XPA: variants seen among roughly 807,000 people sequenced by gnomAD.
The protein encoded by XPA is DNA repair protein complementing XP-A cells.
In XPA, 27 loss-of-function variants were observed where a neutral mutation model predicts 35.7. That is an observed-to-expected ratio of 0.76 (90% CI 0.56 to 1.04). XPA has a LOEUF of 1.04. XPA is among the 50% of genes least tolerant of loss of function. The probability of loss-of-function intolerance (pLI) is 0.00; values close to 1 mark genes in which losing one functional copy is unlikely to be tolerated. For missense variants in XPA, 354 were observed against 342.7 expected (o/e 1.03, Z -0.26); for synonymous variants, 133 against 118.4 (o/e 1.12, Z -0.80).
intron 2 of XPA, among the ~76,000 whole-genome samples, chr9:97,691,282 T>G (rs960950316): frequency 6.6e-6 from 1 of 152,232 alleles, no homozygotes; most frequent in Non-Finnish European, 1.5e-5. Flanking sequence ...TATTCAGCCA[T>G]GTATCCTCAA....
chr9:97,689,467 A>G, intron 3 of XPA, 67 bp downstream of exon 3: 1 of 944,070 alleles, frequency 1.1e-6, no homozygotes, highest in South Asian at 1.4e-5. Context: ...CCAAACAGAT[A>G]TAACTTGTTT....
intron 4 of XPA, 134 bp downstream of exon 4, chr9:97,686,962 T>A: frequency 1.2e-6 from 1 of 825,928 alleles, no homozygotes; most frequent in Non-Finnish European, 1.9e-6. Flanking sequence ...TCATTATACA[T>A]GACTGTGAAG....
the XPA span, chr9:97,662,272 G>A: frequency 3.0e-6 from 2 of 669,252 alleles, no homozygotes; most frequent in South Asian, 2.2e-5. Context: ...GACACAGTGG[G>A]TTTGGGTTTG....
chr9:97,684,893 TC>T, intron 5 of XPA, 29 bp downstream of exon 5: 1 of 1,565,994 alleles, frequency 6.4e-7, no homozygotes, highest in Non-Finnish European at 8.8e-7. Flanking sequence ...TAAAACACAA[TC>T]CTTCACGATA....
chr9:97,687,007 C>G (rs1234148748), intron 4 of XPA, 89 bp downstream of exon 4: 1 of 1,365,190 alleles, frequency 7.3e-7, no homozygotes, highest in African/African-American at 1.5e-5. Context: ...TTTTTCCACA[C>G]TCTGTAAGCA....
At position 97,675,675 on chromosome 9, in the gene XPA, CAT is replaced by C. The variant is rs1405901655; in HGVS notation, c.674-90_674-89del. On this transcript the variant is annotated intron_variant, in intron 5 of 5. Transcript: ENST00000375128. Reference sequence around the variant, plus strand: ...ACTCCATCAAGCTTTCAGCCATGTACATGTGTGTGTGTCTATGTGTATTTAAA... The same window carrying C: ...ACTCCATCAAGCTTTCAGCCATGTACGTGTGTGTGTCTATGTGTATTTAAA... The C allele has an allele frequency of 7.5e-6, 11 of 1,464,664 alleles. No individual in the cohort carries two copies. The African/African-American group carries it at 8.4e-5, about 11-fold the overall frequency. The allele number at this position is 1,464,664 out of a possible 1,614,324, so 90.7% of individuals were successfully genotyped here. A position where few individuals can be genotyped will look rare whatever the true frequency, so the allele number is the denominator to read the frequency against.
At chr9:97,691,963 ACT>A (rs551399042) in intron 2 of XPA, among the ~76,000 whole-genome samples, 40 of 149,990 alleles carry the variant, frequency 2.7e-4, no homozygotes, top group Non-Finnish European at 5.5e-4. Flanking sequence ...GAATGCTCCA[ACT>A]CTCAGAACTG....
At chr9:97,660,829 A>G in the XPA span, 1 of 1,196,400 alleles carries the variant, frequency 8.4e-7, no homozygotes, top group Non-Finnish European at 1.2e-6. Context: ...TGGGATAAAG[A>G]GCATCCTATT....
At chr9:97,682,942 ATC>A (rs533717863) in intron 5 of XPA, among the ~76,000 whole-genome samples, 17 of 152,222 alleles carry the variant, frequency 1.1e-4, no homozygotes, top group Non-Finnish European at 2.4e-4. Context: ...TCATCTTTCA[ATC>A]TGTTTGTCAA....
intron 5 of XPA, among the ~76,000 whole-genome samples, chr9:97,676,210 A>T (rs1387155276): frequency 6.6e-6 from 1 of 152,152 alleles, no homozygotes; most frequent in Admixed American, 6.5e-5. Flanking sequence ...AAAGAACCAC[A>T]GAGTTTTGAT....
In XPA at chr9:97,675,561, C is replaced by T. The variant is rs3176749; in HGVS notation, c.700G>A (p.Val234Met). 45 of 1,613,810 alleles carry T rather than the reference C, an allele frequency of 2.8e-5. No homozygotes were observed. The highest frequency in any genetic ancestry group is 1.6e-4 in the Middle Eastern group (1 of 6,084). Residue 234 changes from valine (V) to methionine (M), a missense_variant, in exon 6 of 6, where the codon GTG becomes ATG. Physicochemically the swap from Val to Met is conservative, Grantham distance 21. Coordinates refer to ENST00000375128, the MANE Select transcript of XPA (RefSeq NM_000380.4). Reference protein sequence around the residue: ...KELRRAVRSSVWKRETIVHQH... With the variant: ...KELRRAVRSSMWKRETIVHQH... Reference sequence around the variant, plus strand: ...TGAACAATCGTCTCCCTTTTCCACACGCTGCTTCTTACTGCTCGCCGCAAT... The same window carrying T: ...TGAACAATCGTCTCCCTTTTCCACATGCTGCTTCTTACTGCTCGCCGCAAT...
the XPA span, among the ~76,000 whole-genome samples, chr9:97,667,277 C>T: frequency 6.6e-6 from 1 of 152,024 alleles, no homozygotes; most frequent in Non-Finnish European, 1.5e-5. Flanking sequence ...GCAGTCATTC[C>T]CAAGTTAACG....
Position 97,693,713 on chromosome 9 carries a change from T to G in XPA, c.219A>C (p.Gly73=), listed in dbSNP as rs927707804. 2.5e-6 allele frequency: 4 copies of G among 1,613,510 alleles called. No individual in the cohort carries two copies. Among genetic ancestry groups the G allele is most frequent in the Admixed American group, 3.3e-5 (2 of 60,020 alleles). The change falls in exon 2 of 6, where the codon GGA becomes GGC. Residue 73 remains glycine, a synonymous_variant. Coordinates refer to ENST00000375128, the MANE Select transcript of XPA (RefSeq NM_000380.4). ...KAAPKIIDTG[G]GFILEEEEEE... ...CTTCTTCCTCTTCTAAAATGAAGCC[T>G]CCTCCTGTGTCAATTATCTTTGGGG...
chr9:97,684,334 A>C (rs1241740862), intron 5 of XPA, among the ~76,000 whole-genome samples: 1 of 152,230 alleles, frequency 6.6e-6, no homozygotes, highest in African/African-American at 2.4e-5. Context: ...ATGCAGCGAT[A>C]GATGGACAAG....
At chr9:97,668,235 T>G in the XPA span, among the ~76,000 whole-genome samples, 1 of 152,068 alleles carries the variant, frequency 6.6e-6, no homozygotes, top group African/African-American at 2.4e-5. Flanking sequence ...CCTCTCAGCC[T>G]TTTTTCTCTG....
At position 97,697,253 on chromosome 9, in the gene XPA, A is replaced by G; in HGVS notation, c.40T>C (p.Leu14=). 2.5e-6 allele frequency: 4 copies of G among 1,599,996 alleles called. No individual in the cohort carries two copies. Among genetic ancestry groups the G allele is most frequent in the Non-Finnish European group, 2.5e-6 (3 of 1,179,218 alleles). ...GCAGGCAGCTCCGCGGGTTGCTCTAAAGCCGCCGCCTCCGGCAAAGCCCCG... is the reference window on the plus strand; with the variant it reads ...GCAGGCAGCTCCGCGGGTTGCTCTAGAGCCGCCGCCTCCGGCAAAGCCCCG... ...ADGALPEAAA[L]EQPAELPASV... is the part of the protein sequence containing the mutation. Residue 14 remains leucine, a synonymous_variant, in exon 1 of 6, where the codon TTA becomes CTA. Transcript: ENST00000375128.
the XPA span, chr9:97,661,102 A>G: frequency 6.2e-6 from 10 of 1,608,014 alleles, no homozygotes; most frequent in African/African-American, 5.3e-5. Context: ...AAGTGGAACT[A>G]TGTATAGGCC....
At chr9:97,691,098 A>G (rs1357299880) in intron 2 of XPA, among the ~76,000 whole-genome samples, 2 of 152,240 alleles carry the variant, frequency 1.3e-5, no homozygotes, top group Admixed American at 6.5e-5. Context: ...GGGCACCAAC[A>G]TTGCACAAGA....
rs1428888810 is a variant in XPA at position 97,674,972 on chromosome 9, C to A, written c.*467G>T. 1 of 523,184 alleles carries A rather than the reference C, an allele frequency of 1.9e-6. No individual in the cohort carries two copies. Among genetic ancestry groups the A allele is most frequent in the Non-Finnish European group, 3.7e-6 (1 of 269,426 alleles). 32.4% of individuals were successfully genotyped at this position (523,184 alleles called of 1,614,324 possible). ...GGCTTTTTCCAGCAGTAGTTCCCCA[C>A]TGTTTCCACCATCGTGGAGACAGAA... On this transcript the variant is annotated 3_prime_UTR_variant, in exon 6 of 6. Transcript: ENST00000375128.
Sources: allele counts gnomAD v4.1 joint callset (sites outside exome capture counted in the v4.1 genomes callset), GRCh38; gene constraint gnomAD v4.1.1; transcripts MANE v1.5; gene names NCBI Gene and HGNC (gene_info 2026-07-23, HGNC 2026-07-21).